Variants in POU2F1 observed in about 807,000 individuals in gnomAD.
The protein encoded by POU2F1 is POU domain, class 2, transcription factor 1.
POU2F1 carries 16 observed loss-of-function variants against 84.9 expected under a neutral mutation model. The observed-to-expected ratio is 0.19, with a 90% CI of 0.13 to 0.29. The LOEUF is 0.29. Among genes scored for constraint, POU2F1 ranks in the 10% least tolerant of loss-of-function variants. The pLI is 1.00. For missense variants in POU2F1, 738 were observed against 942.6 expected, an observed-to-expected ratio of 0.78 and a Z score of 2.84; for synonymous variants, 368 against 368.3, an observed-to-expected ratio of 1.00 and a Z score of 0.01.
chr1:167,303,762 C>T (rs1422740549), intron 1 of POU2F1, among the ~76,000 whole-genome samples: 2 of 152,024 alleles, frequency 1.3e-5, no homozygotes, highest in Non-Finnish European at 2.9e-5. Flanking sequence ...GGGATGCCTG[C>T]GACCCAGCCA....
chr1:167,288,086 T>C (rs953038515), intron 1 of POU2F1, among the ~76,000 whole-genome samples: 3 of 152,186 alleles, frequency 2.0e-5, no homozygotes, highest in Non-Finnish European at 4.4e-5. Flanking sequence ...TTGGCTACCA[T>C]CATACATTCT....
rs887428615 is a variant in POU2F1 at position 167,416,377 on chromosome 1, GTAT to G, written c.*575_*577del. On this transcript the variant is annotated 3_prime_UTR_variant, in exon 16 of 16. Transcript: ENST00000367866. Reference sequence around the variant, plus strand: ...ACAATTTAGGCAGGCCTGTATTACTGTATTATTATTGTTGTTGTTGTTATTGTT... The same window carrying G: ...ACAATTTAGGCAGGCCTGTATTACTGTATTATTGTTGTTGTTGTTATTGTT... 7 of 193,650 alleles carry G rather than the reference GTAT, an allele frequency of 3.6e-5. No individual in the cohort carries two copies. The highest frequency in any genetic ancestry group is 2.6e-4 in the South Asian group (3 of 11,426). 12.0% of individuals were successfully genotyped at this position (193,650 alleles called of 1,614,324 possible).
chr1:167,323,049 A>G (rs1027862102), intron 1 of POU2F1, among the ~76,000 whole-genome samples: 2 of 152,104 alleles, frequency 1.3e-5, no homozygotes, highest in African/African-American at 4.8e-5. Flanking sequence ...GGGCCTGTCT[A>G]TGGCCAGATT....
At chr1:167,262,592 G>T (rs533523883) in intron 1 of POU2F1, among the ~76,000 whole-genome samples, 6 of 152,300 alleles carry the variant, frequency 3.9e-5, no homozygotes, top group African/African-American at 7.2e-5. Context: ...GGAGCTAGAA[G>T]TTGTTTATAA....
chr1:167,280,774 A>G (rs1185607429), intron 1 of POU2F1, among the ~76,000 whole-genome samples: 1 of 152,094 alleles, frequency 6.6e-6, no homozygotes, highest in Non-Finnish European at 1.5e-5. Flanking sequence ...CTTCTTTCCA[A>G]CCCTTTCTGT....
rs1393791634 is a variant in POU2F1 at position 167,418,336 on chromosome 1, T to C, written c.*2526T>C. The C allele has an allele frequency of 6.6e-6, 1 of 152,250 alleles. No homozygotes were observed. The highest frequency in any genetic ancestry group is 1.9e-4 in the East Asian group (1 of 5,202). The allele number at this position is 152,250 out of a possible 1,614,324, so 9.4% of individuals were successfully genotyped here. A position where few individuals can be genotyped will look rare whatever the true frequency, so the allele number is the denominator to read the frequency against. On this transcript the variant is annotated 3_prime_UTR_variant, in exon 16 of 16. Transcript: ENST00000367866. ...TAAATAGAATGACAATGTCAATTAC[T>C]AATTTCTCTCCTCTCCATTCACTTT... is the stretch of plus-strand genomic sequence containing the variant.
Position 167,383,863 on chromosome 1 carries a change from T to C in POU2F1, c.725T>C (p.Leu242Pro). 1 of 1,613,326 alleles carries C rather than the reference T, an allele frequency of 6.2e-7. No homozygotes were observed. The highest frequency in any genetic ancestry group is 8.5e-7 in the Non-Finnish European group (1 of 1,179,530). The change falls in exon 8 of 16, where the codon CTG (leucine) becomes CCG (proline). Residue 242 changes from leucine to proline, a missense_variant. Around this residue, in one of 4 missense-constraint regions of POU2F1, gnomAD observed 163 missense variants for 214.4 expected, o/e 0.76. Transcript: ENST00000367866. Reference protein sequence around the residue: ...SQTPQGQQGLLQAQNLLTQLP... With the variant: ...SQTPQGQQGLPQAQNLLTQLP... ...ACATGTTTTTCTTCTACAGGTCTCC[T>C]GCAAGCGCAAAATCTTCTAACGCAA... is the stretch of plus-strand genomic sequence containing the variant.
At chr1:167,349,058 A>G (rs1020781445) in intron 2 of POU2F1, among the ~76,000 whole-genome samples, 2 of 152,154 alleles carry the variant, frequency 1.3e-5, no homozygotes, top group Non-Finnish European at 2.9e-5. Context: ...TTGTAACCCT[A>G]GGACCTAACA....
chr1:167,371,662 GA>G lies in POU2F1; in HGVS notation c.283-248del, dbSNP rs904211336. ...CTAGAGTTGAGGAATTGGGGGCTAT[GA>G]AAAAAATCTATAAATTTGTGGGGGA... On this transcript the variant is annotated intron_variant, in intron 4 of 15. Coordinates refer to ENST00000367866, the MANE Select transcript of POU2F1 (RefSeq NM_002697.4). Among the ~76,000 whole-genome samples the G allele has an allele frequency of 4.5e-4, 69 of 152,178 alleles. 1 individual carries two copies. Among genetic ancestry groups the G allele is most frequent in the African/African-American group, 1.6e-3 (67 of 41,528 alleles).
chr1:167,332,627 C>CA, intron 2 of POU2F1, 92 bp downstream of exon 2: 10 of 989,486 alleles, frequency 1.0e-5, no homozygotes, highest in East Asian at 2.5e-5. Flanking sequence ...TTGGCAAATA[C>CA]AGACCAATTT....
At chr1:167,369,008 C>T (rs1043988732) in intron 3 of POU2F1, among the ~76,000 whole-genome samples, 1 of 152,150 alleles carries the variant, frequency 6.6e-6, no homozygotes, top group Admixed American at 6.5e-5. Context: ...TTATGTAGTG[C>T]ATTGCAGAGA....
chr1:167,299,957 T>C (rs1257726588), intron 1 of POU2F1, among the ~76,000 whole-genome samples: 1 of 152,166 alleles, frequency 6.6e-6, no homozygotes, highest in Non-Finnish European at 1.5e-5. Flanking sequence ...CTGATCCGGG[T>C]ACTGCCCTTT....
chr1:167,296,960 T>A (rs989318997), intron 1 of POU2F1, among the ~76,000 whole-genome samples: 12 of 150,114 alleles, frequency 8.0e-5, no homozygotes, highest in African/African-American at 2.3e-4. Context: ...CTGATTTTTT[T>A]AAAATTATAG....
chr1:167,299,163 C>CAAA (rs71073663), intron 1 of POU2F1, among the ~76,000 whole-genome samples: 43 of 96,696 alleles, frequency 4.4e-4, no homozygotes, highest in East Asian at 5.7e-4. Flanking sequence ...AACGCCATCT[C>CAAA]AAAAAAAAAA....
chr1:167,259,255 A>T (rs1349476575), intron 1 of POU2F1, among the ~76,000 whole-genome samples: 1 of 152,212 alleles, frequency 6.6e-6, no homozygotes, highest in East Asian at 1.9e-4. Context: ...GGCTAGTAAC[A>T]TCATTTTTAT....
At chr1:167,276,528 G>GC (rs1652741089) in intron 1 of POU2F1, among the ~76,000 whole-genome samples, 2 of 152,090 alleles carry the variant, frequency 1.3e-5, no homozygotes, top group Non-Finnish European at 2.9e-5. Context: ...CTTGGAATGT[G>GC]CCCCCCACAG....
intron 3 of POU2F1, among the ~76,000 whole-genome samples, chr1:167,369,742 A>AT (rs1377209469): frequency 6.6e-6 from 1 of 152,226 alleles, no homozygotes; most frequent in Non-Finnish European, 1.5e-5. Flanking sequence ...CAAAATTAAA[A>AT]TAAGTAGATG....
intron 2 of POU2F1, among the ~76,000 whole-genome samples, chr1:167,338,409 G>A (rs1412618640): frequency 6.6e-6 from 1 of 152,182 alleles, no homozygotes; most frequent in Non-Finnish European, 1.5e-5. Flanking sequence ...TTTGAGTTTT[G>A]TGGGAGTCAG....
chr1:167,395,797 GC>G (rs1557955921), intron 9 of POU2F1, among the ~76,000 whole-genome samples: 1 of 151,948 alleles, frequency 6.6e-6, no homozygotes, highest in East Asian at 1.9e-4. Flanking sequence ...TAGATGTTTT[GC>G]CATGTTCTCC....
Sources: gnomAD v4.1 joint callset for allele counts (sites outside exome capture counted in the v4.1 genomes callset) on GRCh38, gnomAD v4.1.1 for gene constraint, gnomAD v4.1.1 regional missense constraint, MANE v1.5 for transcripts, NCBI Gene and HGNC (gene_info 2026-07-23, HGNC 2026-07-21) for gene names.